SH3BP5: variants seen among roughly 807,000 people sequenced by gnomAD.
SH3BP5 encodes SH3 domain-binding protein 5.
In SH3BP5, 22 loss-of-function variants were observed where a neutral mutation model predicts 43.3. The observed-to-expected ratio is 0.51, with a 90% confidence interval of 0.36 to 0.73. The LOEUF (loss-of-function observed/expected upper bound fraction) is 0.73, where lower values mean the gene tolerates loss of function less well. SH3BP5 is among the 30% of genes least tolerant of loss of function. SH3BP5 has a pLI of 0.00. For missense variants in SH3BP5, 529 were observed against 586.9 expected (o/e 0.90, Z 1.02); for synonymous variants, 255 against 225.8 (o/e 1.13, Z -1.16).
chr3:15,259,085 C>T (rs754499480), intron 6 of SH3BP5, 35 bp from the exon 7 acceptor site: 6 of 1,507,204 alleles, frequency 4.0e-6, no homozygotes, highest in Admixed American at 1.7e-5. Context: ...GTGAAGACTA[C>T]CCTGCTAGCC....
chr3:15,292,949 C>T (rs1225785660), intron 3 of SH3BP5, among the ~76,000 whole-genome samples: 1 of 152,230 alleles, frequency 6.6e-6, no homozygotes, highest in Non-Finnish European at 1.5e-5. Context: ...TGCAACCCTT[C>T]TGGCAGAAGC....
chr3:15,274,300 T>C lies in SH3BP5; in HGVS notation c.331-4423A>G, dbSNP rs1696902097. ...GAAATACCTGAGACTGCGTAATTTA[T>C]AAAGAAAAGAGGCTTAATCGGCTCA... On this transcript the variant is annotated intron_variant, in intron 3 of 8. Coordinates refer to ENST00000383791, the MANE Select transcript of SH3BP5 (RefSeq NM_004844.5). 2.6e-5 allele frequency among the ~76,000 whole-genome samples: 4 copies of C among 151,904 alleles called. No individual in the cohort carries two copies. The South Asian group carries it at 8.3e-4, about 32-fold the overall frequency.
At chr3:15,314,056 C>T (rs567443575) in intron 2 of SH3BP5, among the ~76,000 whole-genome samples, 1 of 151,914 alleles carries the variant, frequency 6.6e-6, no homozygotes, top group Non-Finnish European at 1.5e-5. Context: ...GAGCCAGGAT[C>T]GTCCCACTGC....
intron 3 of SH3BP5, among the ~76,000 whole-genome samples, chr3:15,285,110 G>C (rs757447154): frequency 2.6e-5 from 4 of 152,208 alleles, no homozygotes; most frequent in Non-Finnish European, 5.9e-5. Flanking sequence ...TAGCACAGTG[G>C]CTGGTACACT....
intron 4 of SH3BP5, among the ~76,000 whole-genome samples, chr3:15,265,386 G>A (rs2125055759): frequency 6.6e-6 from 1 of 152,120 alleles, no homozygotes; most frequent in South Asian, 2.1e-4. Context: ...TGTGGTGGTT[G>A]GTGCCTGTAG....
intron 8 of SH3BP5, 73 bp downstream of exon 8, chr3:15,256,780 T>G: frequency 6.7e-7 from 1 of 1,501,682 alleles, no homozygotes; most frequent in Non-Finnish European, 9.0e-7. Context: ...CTGGCAGAGG[T>G]ATGGAATGGC....
At chr3:15,278,418 T>G (rs1003631982) in intron 3 of SH3BP5, among the ~76,000 whole-genome samples, 5 of 152,184 alleles carry the variant, frequency 3.3e-5, no homozygotes, top group Non-Finnish European at 7.3e-5. Flanking sequence ...CTGCCTATAT[T>G]CTGAGGAATC....
intron 3 of SH3BP5, among the ~76,000 whole-genome samples, chr3:15,285,757 T>TTC (rs1697248940): frequency 6.6e-6 from 1 of 152,338 alleles, no homozygotes; most frequent in Non-Finnish European, 1.5e-5. Flanking sequence ...ACATTGGCTC[T>TTC]TCTCTTCCCA....
At chr3:15,321,028 C>T (rs1434980625) in intron 2 of SH3BP5, among the ~76,000 whole-genome samples, 1 of 152,154 alleles carries the variant, frequency 6.6e-6, no homozygotes, top group African/African-American at 2.4e-5. Context: ...CAATACAGTC[C>T]ATGTCAATAT....
intron 3 of SH3BP5, among the ~76,000 whole-genome samples, chr3:15,283,135 C>T (rs753290246): frequency 8.5e-5 from 13 of 152,188 alleles, no homozygotes; most frequent in East Asian, 1.9e-4. Flanking sequence ...CGGTGGCTCA[C>T]GCCTGTAATC....
chr3:15,329,134 A>G (rs1340526725), intron 2 of SH3BP5, among the ~76,000 whole-genome samples: 1 of 149,558 alleles, frequency 6.7e-6, no homozygotes, highest in Non-Finnish European at 1.5e-5. Context: ...TGGGCGACAG[A>G]GTAAGACTCT....
chr3:15,276,387 C>G (rs1696969304), intron 3 of SH3BP5, among the ~76,000 whole-genome samples: 1 of 152,178 alleles, frequency 6.6e-6, no homozygotes, highest in Non-Finnish European at 1.5e-5. Context: ...CCCCCCAGAG[C>G]CAGGAAGCCA....
chr3:15,313,794 G>A (rs1459477294), intron 2 of SH3BP5, among the ~76,000 whole-genome samples: 1 of 152,134 alleles, frequency 6.6e-6, no homozygotes, highest in Non-Finnish European at 1.5e-5. Context: ...GTGCAACTGA[G>A]TTTTGTATTT....
chr3:15,338,694 C>T (rs1378196688), intron 1 of SH3BP5, among the ~76,000 whole-genome samples: 1 of 151,970 alleles, frequency 6.6e-6, no homozygotes, highest in Non-Finnish European at 1.5e-5. Flanking sequence ...CACCACACCC[C>T]ACCCCCATCC....
intron 3 of SH3BP5, among the ~76,000 whole-genome samples, chr3:15,280,993 C>T (rs1025923372): frequency 6.6e-6 from 1 of 152,212 alleles, no homozygotes; most frequent in African/African-American, 2.4e-5. Flanking sequence ...CGCACGGTGG[C>T]AGAGAACTGG....
At chr3:15,296,339 T>C (rs1697568335) in intron 3 of SH3BP5, among the ~76,000 whole-genome samples, 1 of 126,492 alleles carries the variant, frequency 7.9e-6, no homozygotes, top group Non-Finnish European at 1.5e-5. Flanking sequence ...GGGGAAATCA[T>C]ATACACACAC....
chr3:15,306,709 C>G (rs1172661532), intron 2 of SH3BP5, among the ~76,000 whole-genome samples: 1 of 152,066 alleles, frequency 6.6e-6, no homozygotes, highest in Admixed American at 6.5e-5. Context: ...CACTCTGTCA[C>G]CCAGGCTGGA....
At chr3:15,296,283 CCT>C (rs10558455) in intron 3 of SH3BP5, among the ~76,000 whole-genome samples, 10,939 of 151,836 alleles carry the variant, frequency 0.072, 1,311 homozygotes, top group African/African-American at 0.25. Context: ...TTGCCAATCC[CCT>C]GACCTGCTAT....
chr3:15,263,402 T>C (rs1483149769), intron 4 of SH3BP5, among the ~76,000 whole-genome samples: 1 of 152,232 alleles, frequency 6.6e-6, no homozygotes, highest in Non-Finnish European at 1.5e-5. Context: ...AGCCATGACT[T>C]CCATTGTTTG....
Sources: allele counts gnomAD v4.1 joint callset (sites outside exome capture counted in the v4.1 genomes callset), GRCh38; gene constraint gnomAD v4.1.1; transcripts MANE v1.5; gene names NCBI Gene and HGNC (gene_info 2026-07-23, HGNC 2026-07-21).